PSMB2: variants seen among roughly 807,000 people sequenced by gnomAD.
The protein encoded by PSMB2 is proteasome subunit beta type-2.
In PSMB2, 13 loss-of-function variants were observed where a neutral mutation model predicts 25.7. The observed-to-expected ratio is 0.51, with a 90% confidence interval of 0.33 to 0.80. The LOEUF is 0.80. PSMB2 is among the 30% of genes least tolerant of loss of function. PSMB2 has a pLI of 0.02. For missense variants in PSMB2, 202 were observed against 259.0 expected (o/e 0.78, Z 1.51); for synonymous variants, 87 against 96.2 (o/e 0.90, Z 0.56).
intron 1 of PSMB2, among the ~76,000 whole-genome samples, chr1:35,638,881 G>A (rs1415035552): frequency 1.3e-5 from 2 of 152,198 alleles, no homozygotes; most frequent in Admixed American, 6.5e-5. Context: ...TTGGAGAAAG[G>A]AGTCCCAGAA....
At chr1:35,628,596 A>AAAAAATATAT (rs59538661) in intron 3 of PSMB2, among the ~76,000 whole-genome samples, 3 of 25,098 alleles carry the variant, frequency 1.2e-4, no homozygotes, top group Non-Finnish European at 1.5e-4. Flanking sequence ...AAAAAAAAAA[A>AAAAAATATAT]ATATATATAT....
chr1:35,631,864 A>AT (rs979135306), intron 2 of PSMB2, among the ~76,000 whole-genome samples: 47 of 151,760 alleles, frequency 3.1e-4, no homozygotes, highest in Admixed American at 2.2e-3. Context: ...TCTAAAAAAA[A>AT]TTTTTTTTTA....
Position 35,602,005 on chromosome 1 carries a change from A to G in PSMB2, c.*1262T>C, listed in dbSNP as rs1650015997. On this transcript the variant is annotated 3_prime_UTR_variant, in exon 6 of 6. Coordinates refer to ENST00000373237, the MANE Select transcript of PSMB2 (RefSeq NM_002794.5). ...ATTGATATAAAACAATCTCTAATAT[A>G]GTGTTAAGTGAAATAAGCAATATGC... 5 of 821,400 alleles carry G rather than the reference A, an allele frequency of 6.1e-6. No individual in the cohort carries two copies. The highest frequency in any genetic ancestry group is 7.3e-6 in the Non-Finnish European group (5 of 680,624). 50.9% of individuals were successfully genotyped at this position (821,400 alleles called of 1,614,324 possible). A position where few individuals can be genotyped will look rare whatever the true frequency, so the allele number is the denominator to read the frequency against.
At chr1:35,613,358 C>T (rs1650393235) in intron 3 of PSMB2, among the ~76,000 whole-genome samples, 1 of 149,550 alleles carries the variant, frequency 6.7e-6, no homozygotes, top group South Asian at 2.1e-4. Context: ...GGCAAGATGG[C>T]AAGACCCTGT....
rs1650692275 is a variant in PSMB2 at position 35,621,787 on chromosome 1, T to C, written c.285+9487A>G. ...ACTTTGGGAGGCCAAGGCAGATGCA[T>C]CACAAGGTCGGGAGCCTGGCCAACA... On this transcript the variant is annotated intron_variant, in intron 3 of 5. Coordinates refer to ENST00000373237, the MANE Select transcript of PSMB2 (RefSeq NM_002794.5). Among the ~76,000 whole-genome samples the C allele has an allele frequency of 4.6e-5, 7 of 152,170 alleles. No individual in the cohort carries two copies. In the South Asian group the frequency reaches 1.5e-3, roughly 32 times the overall value.
intron 2 of PSMB2, among the ~76,000 whole-genome samples, chr1:35,631,862 A>C (rs1044322249): frequency 1.3e-5 from 2 of 152,086 alleles, no homozygotes; most frequent in Non-Finnish European, 2.9e-5. Flanking sequence ...TCTCTAAAAA[A>C]AATTTTTTTT....
chr1:35,631,519 G>A, intron 2 of PSMB2, 175 bp from the exon 3 acceptor site: 1 of 1,425,060 alleles, frequency 7.0e-7, no homozygotes, highest in Non-Finnish European at 9.2e-7. Flanking sequence ...CAACAGCTAT[G>A]AAATAGCTGG....
rs1557456447 is a variant in PSMB2, at chr1:35,628,614, TATATATATATATA to T, written c.285+2647_285+2659del. ...AAAAAAAAATATATATATATATATA[TATATATATATATA>T]TATATTTTTTTTTTTTTTTTTAAAG... On this transcript the variant is annotated intron_variant, in intron 3 of 5. Coordinates refer to ENST00000373237, the MANE Select transcript of PSMB2 (RefSeq NM_002794.5). Among the ~76,000 whole-genome samples the T allele has an allele frequency of 2.6e-4, 13 of 50,812 alleles. 1 individual carries two copies. The highest frequency in any genetic ancestry group is 1.3e-3 in the South Asian group (1 of 784). 33.3% of individuals were successfully genotyped at this position (50,812 alleles called of 152,430 possible).
At chr1:35,615,260 T>C (rs1650460837) in intron 3 of PSMB2, among the ~76,000 whole-genome samples, 1 of 152,252 alleles carries the variant, frequency 6.6e-6, no homozygotes, top group African/African-American at 2.4e-5. Flanking sequence ...AGCACATCTC[T>C]TATGTACTTC....
At chr1:35,604,675 G>T (rs1650108686) in intron 5 of PSMB2, among the ~76,000 whole-genome samples, 1 of 152,186 alleles carries the variant, frequency 6.6e-6, no homozygotes, top group African/African-American at 2.4e-5. Context: ...CAGCTACTCG[G>T]GAGGCTAAGG....
intron 3 of PSMB2, among the ~76,000 whole-genome samples, chr1:35,630,814 A>G (rs1651068433): frequency 6.6e-6 from 1 of 152,240 alleles, no homozygotes; most frequent in Non-Finnish European, 1.5e-5. Context: ...CAGCAAAAGT[A>G]AACCCTAATG....
intron 2 of PSMB2, among the ~76,000 whole-genome samples, chr1:35,634,027 G>A (rs1651176159): frequency 6.6e-6 from 1 of 152,208 alleles, no homozygotes; most frequent in South Asian, 2.1e-4. Context: ...AAACATTCCT[G>A]GATCAGAGGC....
chr1:35,628,629 A>ATTTTTTTTTTTTT (rs1401010119), intron 3 of PSMB2, among the ~76,000 whole-genome samples: 1 of 43,586 alleles, frequency 2.3e-5, no homozygotes, highest in African/African-American at 1.1e-4. Context: ...ATATATATAT[A>ATTTTTTTTTTTTT]TATTTTTTTT....
intron 4 of PSMB2, among the ~76,000 whole-genome samples, chr1:35,607,517 A>G (rs536783022): frequency 1.3e-5 from 2 of 152,348 alleles, no homozygotes; most frequent in Admixed American, 6.5e-5. Flanking sequence ...TCAAAAAGAC[A>G]AAAAACAACA....
At chr1:35,606,796 A>G (rs763141868) in intron 4 of PSMB2, among the ~76,000 whole-genome samples, 2 of 152,184 alleles carry the variant, frequency 1.3e-5, no homozygotes, top group African/African-American at 2.4e-5. Flanking sequence ...CCAGACTTCA[A>G]AATATATCAC....
intron 3 of PSMB2, among the ~76,000 whole-genome samples, chr1:35,611,682 T>C (rs901967069): frequency 3.3e-5 from 5 of 151,862 alleles, no homozygotes; most frequent in Non-Finnish European, 7.4e-5. Flanking sequence ...AAATTAGCCA[T>C]GCGTGGTGGC....
At chr1:35,627,730 G>C (rs373006485) in intron 3 of PSMB2, among the ~76,000 whole-genome samples, 32 of 152,284 alleles carry the variant, frequency 2.1e-4, no homozygotes, top group African/African-American at 7.7e-4. Context: ...GGGAAATTAA[G>C]CTTAGAATTT....
intron 3 of PSMB2, among the ~76,000 whole-genome samples, chr1:35,624,859 G>A (rs1271802626): frequency 6.6e-6 from 1 of 151,850 alleles, no homozygotes; most frequent in South Asian, 2.1e-4. Context: ...TCAGGAGATC[G>A]AGACCATCCT....
At chr1:35,618,526 T>G (rs1206780431) in intron 3 of PSMB2, among the ~76,000 whole-genome samples, 1 of 150,136 alleles carries the variant, frequency 6.7e-6, no homozygotes, top group African/African-American at 2.5e-5. Flanking sequence ...GAGGGTGACA[T>G]ATGTGGTGGG....
Sources: allele counts gnomAD v4.1 joint callset (sites outside exome capture counted in the v4.1 genomes callset), GRCh38; gene constraint gnomAD v4.1.1; transcripts MANE v1.5; gene names NCBI Gene and HGNC (gene_info 2026-07-23, HGNC 2026-07-21).